The following MYT1L variants were observed in gnomAD, a reference collection of about 807,000 sequenced individuals.
MYT1L encodes the protein myelin transcription factor 1 like, also known as myelin transcription factor 1-like protein.
MYT1L carries 12 observed loss-of-function variants against 126.7 expected under a neutral mutation model. The ratio of observed to expected loss-of-function variants is 0.09; its 90% CI spans 0.06 to 0.15. MYT1L has a LOEUF of 0.15. Ranked by LOEUF, MYT1L falls within the 10% of genes least tolerant of loss-of-function variation. The probability of loss-of-function intolerance (pLI) is 1.00; values close to 1 mark genes in which losing one functional copy is unlikely to be tolerated. For missense variants in MYT1L, 979 were observed against 1,585.2 expected, an observed-to-expected ratio of 0.62 and a Z score of 6.49; for synonymous variants, 541 against 604.2, an observed-to-expected ratio of 0.90 and a Z score of 1.53.
intron 3 of MYT1L, among the ~76,000 whole-genome samples, chr2:2,060,715 TC>T (rs139159352): frequency 1.2e-4 from 12 of 99,902 alleles, no homozygotes; most frequent in Admixed American, 4.3e-4. Context: ...TTCCCTTCCC[TC>T]CCCCCTCCCT....
At chr2:2,289,103 G>A (rs531601271) in intron 1 of MYT1L, among the ~76,000 whole-genome samples, 27 of 152,240 alleles carry the variant, frequency 1.8e-4, no homozygotes, top group Admixed American at 9.2e-4. Flanking sequence ...CACTTGTCTG[G>A]GCAGACAGAA....
rs1317547679 is a variant in MYT1L at position 1,793,648 on chromosome 2, TC to T, written c.3277-1185del. On this transcript the variant is annotated intron_variant, in intron 23 of 24. Transcript: ENST00000647738. This position sits in a 1 kb window ranked among gnomAD's most constrained non-coding sequence, Gnocchi z 4.6. ...AAACTGAAGCACCTCAGAGGCGCCC[TC>T]CAGGATGAAGTGGGGAGGGCCGGCC... is the stretch of plus-strand genomic sequence containing the variant. Among the ~76,000 whole-genome samples the T allele has an allele frequency of 6.6e-6, 1 of 152,076 alleles. No homozygotes were observed. The highest frequency in any genetic ancestry group is 1.9e-4 in the East Asian group (1 of 5,160).
chr2:2,200,061 G>A (rs936793511), intron 2 of MYT1L, among the ~76,000 whole-genome samples: 1 of 152,114 alleles, frequency 6.6e-6, no homozygotes, highest in African/African-American at 2.4e-5. Context: ...TTTACAAAAT[G>A]CATGTCTATA....
Position 1,943,439 on chromosome 2 carries a change from G to A in MYT1L, c.153-105C>T, listed in dbSNP as rs1171333871. The A allele has an allele frequency of 3.9e-6, 5 of 1,295,700 alleles. No individual in the cohort carries two copies. The highest frequency in any genetic ancestry group is 1.5e-5 in the African/African-American group (1 of 66,704). The allele number at this position is 1,295,700 out of a possible 1,614,324, so 80.3% of individuals were successfully genotyped here. ...GGGGCCTTGATCAAGGTACTTAAAG[G>A]CTTATCATGAATGTCATCAGCACAA... On this transcript the variant is annotated intron_variant, in intron 8 of 24. Transcript: ENST00000647738. The surrounding 1 kb of genome is among the most constrained non-coding windows in gnomAD (Gnocchi z 4.4).
intron 2 of MYT1L, among the ~76,000 whole-genome samples, chr2:2,281,607 GAACTT>G (rs1283852422): frequency 6.6e-6 from 1 of 152,120 alleles, no homozygotes; most frequent in Non-Finnish European, 1.5e-5. Context: ...TGAATGGCGT[GAACTT>G]AACTTGTGTA....
In MYT1L at chr2:1,998,907, G is replaced by A. The variant is rs116504168; in HGVS notation, c.-157-1560C>T. Among the ~76,000 whole-genome samples the A allele has an allele frequency of 5.6e-3, 845 of 152,112 alleles. 7 individuals are homozygous for A. The highest frequency in any genetic ancestry group is 0.019 in the African/African-American group (793 of 41,488). The stretch of plus-strand genomic sequence containing the variant: ...CTGGGGGAAAAAAAAAGAAAAGAAA[G>A]AAAAAGAGAAAGAAAATGTTCGCAC... On this transcript the variant is annotated intron_variant, in intron 4 of 24. Coordinates refer to ENST00000647738, the MANE Select transcript of MYT1L (RefSeq NM_001303052.2).
At chr2:1,827,316 GA>G (rs1418678073) in intron 21 of MYT1L, 2 of 152,276 alleles carry the variant, frequency 1.3e-5, no homozygotes, top group African/African-American at 4.8e-5. Flanking sequence ...ACCTCCTGCA[GA>G]TCACAGAGGG....
At chr2:1,796,900 G>A (rs1168557509) in intron 23 of MYT1L, among the ~76,000 whole-genome samples, 1 of 152,194 alleles carries the variant, frequency 6.6e-6, no homozygotes, top group Non-Finnish European at 1.5e-5. Flanking sequence ...CCCTGCACTT[G>A]AGTCCCCTGC....
intron 21 of MYT1L, among the ~76,000 whole-genome samples, chr2:1,829,693 A>G (rs74169687): frequency 4.0e-4 from 47 of 116,374 alleles, no homozygotes; most frequent in Non-Finnish European, 6.2e-4. Context: ...ACCCTCCCAT[A>G]CACCTGTGAA....
At chr2:2,112,942 A>G (rs2079656955) in intron 3 of MYT1L, among the ~76,000 whole-genome samples, 1 of 152,216 alleles carries the variant, frequency 6.6e-6, no homozygotes, top group Non-Finnish European at 1.5e-5. Context: ...AGCTGGCTTC[A>G]TAATCATGAG....
intron 1 of MYT1L, chr2:2,326,601 A>G: frequency 6.6e-6 from 1 of 151,480 alleles, no homozygotes; most frequent in Non-Finnish European, 1.5e-5. Flanking sequence ...TGGGGAGCAG[A>G]GATTATTTTA....
At chr2:2,269,038 T>G (rs980947410) in intron 2 of MYT1L, among the ~76,000 whole-genome samples, 2 of 151,786 alleles carry the variant, frequency 1.3e-5, no homozygotes, top group African/African-American at 4.8e-5. Flanking sequence ...GTAGCTGTGT[T>G]TCTCTTCCAT....
chr2:1,862,067 G>T (rs560598091), intron 18 of MYT1L, among the ~76,000 whole-genome samples: 1 of 151,868 alleles, frequency 6.6e-6, no homozygotes, highest in Non-Finnish European at 1.5e-5. Flanking sequence ...ATTCTGCCTC[G>T]TGCCCCTATC....
rs2035793498 is a variant in MYT1L at position 1,806,802 on chromosome 2, C to T, written c.3172+2274G>A. Among the ~76,000 whole-genome samples, 1 of 152,156 alleles carries T rather than the reference C, an allele frequency of 6.6e-6. No homozygotes were observed. The highest frequency in any genetic ancestry group is 1.5e-5 in the Non-Finnish European group (1 of 68,028). ...GAACTGGCCTACCTAACCTAACCGC[C>T]ACTTCCTTCATTAATGGGGAACAAA... On this transcript the variant is annotated intron_variant, in intron 22 of 24. Coordinates refer to ENST00000647738, the MANE Select transcript of MYT1L (RefSeq NM_001303052.2). This position sits in a 1 kb window ranked among gnomAD's most constrained non-coding sequence, Gnocchi z 4.9.
At chr2:1,861,997 A>ATCTGCCTGCAGCCTGAGTAATCCT (rs1558192114) in intron 18 of MYT1L, among the ~76,000 whole-genome samples, 16 of 151,308 alleles carry the variant, frequency 1.1e-4, no homozygotes, top group South Asian at 2.1e-4. Flanking sequence ...GTAATCCTGG[A>ATCTGCCTGCAGCCTGAGTAATCCT]ATTCGCTGAG....
At chr2:2,253,867 C>T (rs544565318) in intron 2 of MYT1L, among the ~76,000 whole-genome samples, 1 of 152,274 alleles carries the variant, frequency 6.6e-6, no homozygotes, top group East Asian at 1.9e-4. Flanking sequence ...TGCCACTCTC[C>T]TAAGGTCTGC....
intron 9 of MYT1L, among the ~76,000 whole-genome samples, chr2:1,941,752 T>A (rs1437686362): frequency 6.6e-6 from 1 of 152,190 alleles, no homozygotes; most frequent in Non-Finnish European, 1.5e-5. Flanking sequence ...TATACATATC[T>A]ATCTATGTTC....
intron 18 of MYT1L, among the ~76,000 whole-genome samples, chr2:1,877,931 G>C (rs979062936): frequency 2.0e-5 from 3 of 152,226 alleles, no homozygotes; most frequent in African/African-American, 4.8e-5. Flanking sequence ...GCATCAGCAA[G>C]CTTGGGAGAG....
At chr2:1,805,666 GCTTGAGCT>G (rs2035583872) in intron 22 of MYT1L, among the ~76,000 whole-genome samples, 1 of 152,184 alleles carries the variant, frequency 6.6e-6, no homozygotes, top group Admixed American at 6.5e-5. Flanking sequence ...GAGGTGGATT[GCTTGAGCT>G]CAGGAGTTTG....
Sources: gnomAD v4.1 joint callset for allele counts (sites outside exome capture counted in the v4.1 genomes callset) on GRCh38, gnomAD v4.1.1 for gene constraint, Gnocchi (gnomAD v3.1) non-coding constraint, MANE v1.5 for transcripts, NCBI Gene and HGNC (gene_info 2026-07-23, HGNC 2026-07-21) for gene names.